The following CADPS2 variants were observed in gnomAD, a reference collection of about 807,000 sequenced individuals.
CADPS2 encodes calcium-dependent secretion activator 2.
Under a neutral mutation model 172.5 loss-of-function variants are expected in CADPS2, and 93 were observed. That is an observed-to-expected ratio of 0.54 (90% confidence interval 0.46 to 0.64). The LOEUF (loss-of-function observed/expected upper bound fraction) is 0.64. CADPS2 is among the 30% of genes least tolerant of loss of function. The pLI is 0.00. For missense variants in CADPS2, 1,420 were observed against 1,565.9 expected, an observed-to-expected ratio of 0.91 and a Z score of 1.57; for synonymous variants, 546 against 555.2, an observed-to-expected ratio of 0.98 and a Z score of 0.23.
chr7:122,321,323 C>T (rs540334221), intron 29 of CADPS2, among the ~76,000 whole-genome samples: 52 of 152,170 alleles, frequency 3.4e-4, no homozygotes, highest in African/African-American at 1.2e-3. Flanking sequence ...TGTGCTACTG[C>T]GCTCGGCTAA....
At chr7:122,869,661 T>C (rs930923018) in intron 1 of CADPS2, among the ~76,000 whole-genome samples, 2 of 152,044 alleles carry the variant, frequency 1.3e-5, no homozygotes, top group African/African-American at 2.4e-5. Context: ...AAAGTAGTTA[T>C]GTAATAAAAC....
chr7:122,505,689 A>G (rs1400702016), intron 9 of CADPS2, among the ~76,000 whole-genome samples: 2 of 152,208 alleles, frequency 1.3e-5, no homozygotes, highest in Non-Finnish European at 2.9e-5. Flanking sequence ...AATGTGAGCC[A>G]TGAGACAACT....
chr7:122,869,920 T>A (rs1819313037), intron 1 of CADPS2, among the ~76,000 whole-genome samples: 1 of 152,076 alleles, frequency 6.6e-6, no homozygotes, highest in Non-Finnish European at 1.5e-5. Context: ...TGTTTTATGG[T>A]AGCCTCATGG....
chr7:122,515,371 A>G (rs543728680), intron 8 of CADPS2, among the ~76,000 whole-genome samples: 2 of 152,216 alleles, frequency 1.3e-5, no homozygotes, highest in South Asian at 2.1e-4. Context: ...AGTGACAGGT[A>G]TTTAGTTGCT....
chr7:122,538,999 A>T (rs117691391), intron 8 of CADPS2, among the ~76,000 whole-genome samples: 3,628 of 152,236 alleles, frequency 0.024, 51 homozygotes, highest in Middle Eastern at 0.037. Flanking sequence ...TAATGAAAAA[A>T]ATTAAATATC....
intron 8 of CADPS2, among the ~76,000 whole-genome samples, chr7:122,552,791 T>A (rs6959763): frequency 0.11 from 16,018 of 150,778 alleles, 1,039 homozygotes; most frequent in African/African-American, 0.18. Flanking sequence ...TTTTTTTTTT[T>A]TTATTATTGT....
chr7:122,760,635 A>C (rs1183512816), intron 1 of CADPS2, among the ~76,000 whole-genome samples: 3 of 150,150 alleles, frequency 2.0e-5, no homozygotes. Context: ...TGCAGCCATA[A>C]AAAATGATGA....
chr7:122,443,032 T>C (rs1168696524), intron 15 of CADPS2, among the ~76,000 whole-genome samples: 3 of 152,244 alleles, frequency 2.0e-5, no homozygotes, highest in Non-Finnish European at 2.9e-5. Flanking sequence ...AATTGGGTTC[T>C]TGTAGTCCCC....
At chr7:122,413,948 T>C (rs2151736719) in intron 19 of CADPS2, 120 bp downstream of exon 19, 1 of 794,178 alleles carries the variant, frequency 1.3e-6, no homozygotes. Flanking sequence ...AGACATTCTG[T>C]AATTTCAAAG....
intron 5 of CADPS2, 146 bp downstream of exon 5, chr7:122,621,335 G>C (rs1470042344): frequency 5.0e-6 from 3 of 596,992 alleles, no homozygotes; most frequent in Admixed American, 6.7e-5. Flanking sequence ...TATATAAGCT[G>C]AGTGTCCAAC....
intron 1 of CADPS2, among the ~76,000 whole-genome samples, chr7:122,859,712 T>C (rs958416802): frequency 6.6e-6 from 1 of 152,178 alleles, no homozygotes; most frequent in East Asian, 1.9e-4. Flanking sequence ...TAAAATGGCA[T>C]AGTATTTACA....
chr7:122,406,667 TA>T (rs2046685609), intron 20 of CADPS2, among the ~76,000 whole-genome samples: 1 of 152,078 alleles, frequency 6.6e-6, no homozygotes, highest in Non-Finnish European at 1.5e-5. Flanking sequence ...TATATAGGAA[TA>T]AAGAGTAGCA....
chr7:122,644,513 T>C (rs939301405), intron 3 of CADPS2, among the ~76,000 whole-genome samples: 3 of 152,172 alleles, frequency 2.0e-5, no homozygotes, highest in African/African-American at 7.2e-5. Context: ...ACCCTAATGA[T>C]AGAAATAACA....
intron 2 of CADPS2, among the ~76,000 whole-genome samples, chr7:122,701,372 T>C (rs2086052346): frequency 6.6e-6 from 1 of 152,000 alleles, no homozygotes; most frequent in East Asian, 1.9e-4. Context: ...TTCTCACTCA[T>C]AGGTGGGAAT....
chr7:122,410,312 C>G (rs1585743304), intron 19 of CADPS2, among the ~76,000 whole-genome samples: 1 of 151,920 alleles, frequency 6.6e-6, no homozygotes, highest in South Asian at 2.1e-4. Context: ...CCACTGCACT[C>G]CAGCCTGGGT....
At chr7:122,684,436 C>T (rs973002026) in intron 2 of CADPS2, among the ~76,000 whole-genome samples, 7 of 151,066 alleles carry the variant, frequency 4.6e-5, no homozygotes, top group Non-Finnish European at 8.9e-5. Flanking sequence ...TTGTAGTAAG[C>T]ATATATATAT....
Position 122,490,289 on chromosome 7 carries a change from G to A in CADPS2, c.1652-8C>T, listed in dbSNP as rs1485193093. The A allele has an allele frequency of 6.2e-7, 1 of 1,610,652 alleles. No homozygotes were observed. Among genetic ancestry groups the A allele is most frequent in the South Asian group, 1.1e-5 (1 of 90,838 alleles). On this transcript the variant is annotated splice_region_variant and splice_polypyrimidine_tract_variant and intron_variant, in intron 10 of 29. Transcript: ENST00000449022. The stretch of plus-strand genomic sequence containing the variant: ...TACAACCACCCTGAAGGCCTGTGGA[G>A]GAAACAAAAAGACATCATTAAAAAT...
intron 18 of CADPS2, 30 bp downstream of exon 18, chr7:122,416,031 C>T: frequency 7.2e-7 from 1 of 1,397,664 alleles, no homozygotes; most frequent in Non-Finnish European, 9.8e-7. Context: ...TTACATATAG[C>T]TTTATACTAC....
chr7:122,675,533 G>A (rs1156435152), intron 2 of CADPS2, among the ~76,000 whole-genome samples: 1 of 152,094 alleles, frequency 6.6e-6, no homozygotes, highest in Non-Finnish European at 1.5e-5. Context: ...ATTCGGGTTG[G>A]TTCCAAGTCT....
Sources: gnomAD v4.1 joint callset for allele counts (sites outside exome capture counted in the v4.1 genomes callset) on GRCh38, gnomAD v4.1.1 for gene constraint, MANE v1.5 for transcripts, NCBI Gene and HGNC (gene_info 2026-07-23, HGNC 2026-07-21) for gene names.